The following TTC39C variants were observed in gnomAD, a reference collection of about 807,000 sequenced individuals.
TTC39C encodes tetratricopeptide repeat protein 39C.
TTC39C carries 33 observed loss-of-function variants against 76.3 expected under a neutral mutation model. The ratio of observed to expected loss-of-function variants is 0.43; its 90% CI spans 0.33 to 0.58. TTC39C has a LOEUF of 0.58. TTC39C is among the 20% of genes least tolerant of loss of function. The probability of loss-of-function intolerance (pLI) is 0.04; values close to 1 mark genes in which losing one functional copy is unlikely to be tolerated. For missense variants in TTC39C, 595 were observed against 701.4 expected (o/e 0.85, Z 1.71); for synonymous variants, 254 against 260.6 (o/e 0.97, Z 0.24).
At chr18:23,996,691 G>C (rs2083263791) in intron 1 of TTC39C, among the ~76,000 whole-genome samples, 1 of 152,170 alleles carries the variant, frequency 6.6e-6, no homozygotes, top group Non-Finnish European at 1.5e-5. Flanking sequence ...TTGAGGATGA[G>C]GCCTAGAAAT....
chr18:24,045,592 G>T (rs2083858945), intron 1 of TTC39C, among the ~76,000 whole-genome samples: 1 of 151,896 alleles, frequency 6.6e-6, no homozygotes, highest in African/African-American at 2.4e-5. Context: ...TAAACTCCGT[G>T]GGAAGGGCCT....
Position 24,055,968 on chromosome 18 carries a change from G to A in TTC39C, c.168-8172G>A, listed in dbSNP as rs148889974. 3.2e-3 allele frequency among the ~76,000 whole-genome samples: 493 copies of A among 152,264 alleles called. 2 individuals carry two copies. Among genetic ancestry groups the A allele is most frequent in the African/African-American group, 0.011 (460 of 41,538 alleles). On this transcript the variant is annotated intron_variant, in intron 1 of 13. Coordinates refer to ENST00000317571, the MANE Select transcript of TTC39C (RefSeq NM_001135993.2). ...GAAAGATGAAATACCAAACCAGTTT[G>A]TCTCCTTAAAACCCATTTTTGATGA...
At chr18:23,998,573 G>T (rs2145623562) in intron 1 of TTC39C, among the ~76,000 whole-genome samples, 1 of 152,206 alleles carries the variant, frequency 6.6e-6, no homozygotes, top group East Asian at 1.9e-4. Context: ...TTGCACCACT[G>T]CACTCCAGCC....
intron 1 of TTC39C, among the ~76,000 whole-genome samples, chr18:24,058,314 T>TA (rs1415116643): frequency 6.6e-6 from 1 of 152,044 alleles, no homozygotes; most frequent in Non-Finnish European, 1.5e-5. Context: ...AACCTAAAAT[T>TA]AAAAAAATTA....
chr18:24,115,871 A>G (rs1216703584), intron 7 of TTC39C, among the ~76,000 whole-genome samples: 1 of 152,244 alleles, frequency 6.6e-6, no homozygotes, highest in Non-Finnish European at 1.5e-5. Flanking sequence ...TAGCCACAAT[A>G]TAGAATGAAA....
At chr18:24,098,074 T>G (rs2084612792) in intron 6 of TTC39C, among the ~76,000 whole-genome samples, 1 of 152,116 alleles carries the variant, frequency 6.6e-6, no homozygotes, top group Admixed American at 6.6e-5. Context: ...TATATTATAT[T>G]ATTTTTTATC....
At chr18:24,118,078 A>T in intron 7 of TTC39C, 47 bp from the exon 8 acceptor site, 1 of 1,503,978 alleles carries the variant, frequency 6.6e-7, no homozygotes, top group South Asian at 1.2e-5. Flanking sequence ...TATGGGTCAT[A>T]GAGCTCAGTA....
chr18:24,014,783 G>T lies in TTC39C; in HGVS notation c.-89G>T, dbSNP rs949173550. 8.7e-7 allele frequency: 1 copy of T among 1,147,260 alleles called. No individual in the cohort carries two copies. Among genetic ancestry groups the T allele is most frequent in the East Asian group, 4.4e-5 (1 of 22,912 alleles). 71.1% of individuals were successfully genotyped at this position (1,147,260 alleles called of 1,614,324 possible). A position where few individuals can be genotyped will look rare whatever the true frequency, so the allele number is the denominator to read the frequency against. On this transcript the variant is annotated 5_prime_UTR_variant, in exon 1 of 14. Coordinates refer to ENST00000317571, the MANE Select transcript of TTC39C (RefSeq NM_001135993.2). ...TCCCCTCCCGGCTCCGCTTGGCTCCGGGCAGGTAGAGCCGGGCTCCGGGCG... is the reference window on the plus strand; with the variant it reads ...TCCCCTCCCGGCTCCGCTTGGCTCCTGGCAGGTAGAGCCGGGCTCCGGGCG...
At chr18:24,059,656 A>C (rs1217435306) in intron 1 of TTC39C, among the ~76,000 whole-genome samples, 1 of 152,192 alleles carries the variant, frequency 6.6e-6, no homozygotes, top group African/African-American at 2.4e-5. Context: ...TGCTATTGTG[A>C]ATAGTGCTGC....
chr18:24,027,616 G>T (rs557512521), intron 1 of TTC39C, among the ~76,000 whole-genome samples: 92 of 150,236 alleles, frequency 6.1e-4, no homozygotes, highest in African/African-American at 2.1e-3. Context: ...CTGCAGTGCC[G>T]TGGCATGATC....
chr18:24,002,580 T>C lies in TTC39C; in HGVS notation c.-17+9542T>C, dbSNP rs138724808. 3.3e-5 allele frequency among the ~76,000 whole-genome samples: 5 copies of C among 152,294 alleles called. No individual in the cohort carries two copies. The East Asian group carries it at 9.6e-4, about 29-fold the overall frequency. On this transcript the variant is annotated intron_variant, in intron 1 of 13. Coordinates refer to the TTC39C transcript ENST00000304621. ...CAGGATCTTTTCCTTTTTTAATGTGTGGGGATTTCTGTGTTGTTCTAATGC... is the reference window on the plus strand; with the variant it reads ...CAGGATCTTTTCCTTTTTTAATGTGCGGGGATTTCTGTGTTGTTCTAATGC...
chr18:24,012,349 C>T (rs529743748), upstream of TTC39C, among the ~76,000 whole-genome samples: 49 of 152,236 alleles, frequency 3.2e-4, no homozygotes, highest in African/African-American at 1.2e-3. Flanking sequence ...GGGTGCTGGG[C>T]GGTTGCAGTG....
intron 1 of TTC39C, chr18:24,022,660 A>G (rs2083531614): frequency 1.0e-6 from 1 of 985,234 alleles, no homozygotes; most frequent in Admixed American, 6.1e-5. Flanking sequence ...CCCCAGAGAG[A>G]TCTGTCTTCA....
intron 6 of TTC39C, among the ~76,000 whole-genome samples, chr18:24,111,192 G>A (rs900547873): frequency 1.3e-5 from 2 of 151,916 alleles, no homozygotes; most frequent in African/African-American, 2.4e-5. Context: ...GGGTTTCACC[G>A]TGTTAGCCAG....
intron 6 of TTC39C, among the ~76,000 whole-genome samples, chr18:24,095,049 C>T (rs1306761731): frequency 6.6e-6 from 1 of 152,176 alleles, no homozygotes; most frequent in East Asian, 1.9e-4. Flanking sequence ...TTTAGTATAG[C>T]CTCCTTCATC....
At chr18:24,114,792 A>G (rs1438609312) in intron 7 of TTC39C, 145 bp downstream of exon 7, 2 of 585,786 alleles carry the variant, frequency 3.4e-6, no homozygotes, top group Non-Finnish European at 6.1e-6. Flanking sequence ...TAGCACATGC[A>G]ATGATACTTC....
chr18:24,020,055 T>C (rs1014215178), intron 1 of TTC39C: 4 of 1,378,932 alleles, frequency 2.9e-6, no homozygotes, highest in Non-Finnish European at 2.8e-6. Flanking sequence ...CAAGAATGTG[T>C]CTCTGCCTTG....
intron 1 of TTC39C, among the ~76,000 whole-genome samples, chr18:24,017,038 G>T (rs1599237057): frequency 6.6e-6 from 1 of 152,226 alleles, no homozygotes; most frequent in East Asian, 1.9e-4. Context: ...TTACCATTCT[G>T]CTTCCCTCAC....
intron 6 of TTC39C, among the ~76,000 whole-genome samples, chr18:24,108,667 G>A (rs1374661008): frequency 6.6e-6 from 1 of 152,184 alleles, no homozygotes; most frequent in Non-Finnish European, 1.5e-5. Context: ...AGAATAGCTT[G>A]AATTTTTTAA....
Sources: allele counts gnomAD v4.1 joint callset (sites outside exome capture counted in the v4.1 genomes callset), GRCh38; gene constraint gnomAD v4.1.1; transcripts MANE v1.5; gene names NCBI Gene and HGNC (gene_info 2026-07-23, HGNC 2026-07-21).